The following GLIS3 variants were observed in gnomAD, a reference collection of about 807,000 sequenced individuals.
GLIS3 encodes the protein zinc finger protein GLIS3.
In GLIS3, 53 loss-of-function variants were observed where a neutral mutation model predicts 78.6. That is an observed-to-expected ratio of 0.67 (90% CI 0.54 to 0.85). The LOEUF is 0.85. GLIS3 is among the 40% of genes least tolerant of loss of function. The pLI, the probability that GLIS3 is intolerant of heterozygous loss-of-function variation, is 0.00. For missense variants in GLIS3, 1,703 were observed against 1,231.1 expected, an observed-to-expected ratio of 1.38 and a Z score of -5.74; for synonymous variants, 684 against 509.9, an observed-to-expected ratio of 1.34 and a Z score of -4.60.
chr9:4,085,900 C>A (rs1326057299), intron 4 of GLIS3, among the ~76,000 whole-genome samples: 1 of 152,184 alleles, frequency 6.6e-6, no homozygotes, highest in African/African-American at 2.4e-5. Flanking sequence ...GTAAAGCCTG[C>A]AGAACTGTGA....
chr9:3,853,138 G>C (rs981860179), intron 9 of GLIS3, among the ~76,000 whole-genome samples: 1 of 152,202 alleles, frequency 6.6e-6, no homozygotes, highest in African/African-American at 2.4e-5. Flanking sequence ...CCAGGAATTT[G>C]AGGCTGCAGT....
intron 2 of GLIS3, among the ~76,000 whole-genome samples, chr9:4,211,784 A>G (rs1027239075): frequency 1.3e-5 from 2 of 152,260 alleles, no homozygotes; most frequent in Non-Finnish European, 2.9e-5. Context: ...CCACCAACTG[A>G]TGAATGGAGA....
chr9:4,233,890 C>T (rs1822489234), intron 2 of GLIS3, among the ~76,000 whole-genome samples: 5 of 152,210 alleles, frequency 3.3e-5, no homozygotes, highest in Admixed American at 6.5e-5. Flanking sequence ...GCAGCTCCTA[C>T]ATCACCACTT....
At chr9:4,323,049 C>G (rs985829701) in intron 2 of GLIS3, among the ~76,000 whole-genome samples, 2 of 152,140 alleles carry the variant, frequency 1.3e-5, no homozygotes, top group Admixed American at 6.5e-5. Context: ...GATTTTAGGT[C>G]TAACATTTAA....
chr9:4,164,730 G>A (rs1338429216), intron 2 of GLIS3, among the ~76,000 whole-genome samples: 1 of 152,150 alleles, frequency 6.6e-6, no homozygotes, highest in Non-Finnish European at 1.5e-5. Context: ...ATATTGGAAA[G>A]CAAAAGATAT....
intron 2 of GLIS3, among the ~76,000 whole-genome samples, chr9:4,195,013 T>C (rs1818680881): frequency 6.6e-6 from 1 of 152,210 alleles, no homozygotes; most frequent in Non-Finnish European, 1.5e-5. Context: ...GTGCCTTCTC[T>C]AGAGCAGGGT....
intron 2 of GLIS3, among the ~76,000 whole-genome samples, chr9:4,321,116 C>G (rs992941276): frequency 1.9e-4 from 27 of 142,712 alleles, no homozygotes; most frequent in African/African-American, 8.1e-4. Flanking sequence ...TCAGCATGGT[C>G]TCCGCTTTTT....
chr9:4,327,123 A>T (rs144640891), intron 2 of GLIS3, among the ~76,000 whole-genome samples: 11 of 152,254 alleles, frequency 7.2e-5, no homozygotes, highest in East Asian at 1.9e-4. Flanking sequence ...GAGCTGAGAG[A>T]AAGATTGATT....
intron 4 of GLIS3, among the ~76,000 whole-genome samples, chr9:3,974,340 C>G (rs970172221): frequency 6.6e-6 from 1 of 152,148 alleles, no homozygotes; most frequent in Non-Finnish European, 1.5e-5. Context: ...TACAGAGCCT[C>G]CCTCGAATGC....
chr9:4,019,732 T>A (rs572316921), intron 4 of GLIS3, among the ~76,000 whole-genome samples: 8 of 152,218 alleles, frequency 5.3e-5, no homozygotes, highest in Non-Finnish European at 1.2e-4. Context: ...TTATTTTTAT[T>A]TTTATTTATT....
chr9:4,081,780 T>C (rs1392564134), intron 4 of GLIS3, among the ~76,000 whole-genome samples: 1 of 152,162 alleles, frequency 6.6e-6, no homozygotes. Flanking sequence ...AATTCTATCA[T>C]AAATTAGCCA....
At chr9:4,155,547 T>C (rs567100295) in intron 2 of GLIS3, among the ~76,000 whole-genome samples, 2 of 152,346 alleles carry the variant, frequency 1.3e-5, no homozygotes, top group Admixed American at 6.5e-5. Flanking sequence ...TTTTAAATGA[T>C]GAAATATTTA....
intron 2 of GLIS3, among the ~76,000 whole-genome samples, chr9:4,173,887 G>C (rs866751005): frequency 4.6e-4 from 69 of 149,614 alleles, no homozygotes; most frequent in African/African-American, 1.7e-3. Flanking sequence ...AAGAAGACAT[G>C]AATCCTAGTC....
chr9:4,207,066 C>T (rs1305911634), intron 2 of GLIS3, among the ~76,000 whole-genome samples: 1 of 152,196 alleles, frequency 6.6e-6, no homozygotes, highest in African/African-American at 2.4e-5. Flanking sequence ...GACCAGAGGG[C>T]CCCTACAAAG....
the GLIS3 span, among the ~76,000 whole-genome samples, chr9:4,380,777 G>T: frequency 6.6e-6 from 1 of 152,220 alleles, no homozygotes; most frequent in East Asian, 1.9e-4. Context: ...AAAGGAGAAT[G>T]TGGATTTAAT....
At chr9:4,073,160 C>CA (rs1827757274) in intron 4 of GLIS3, among the ~76,000 whole-genome samples, 1 of 152,124 alleles carries the variant, frequency 6.6e-6, no homozygotes, top group Non-Finnish European at 1.5e-5. Context: ...AAACACCCAT[C>CA]AACTGAAATG....
chr9:4,358,872 G>A, the GLIS3 span, among the ~76,000 whole-genome samples: 4 of 152,162 alleles, frequency 2.6e-5, no homozygotes, highest in East Asian at 3.8e-4. Context: ...TCTTATAGAA[G>A]TCAGTGTGGG....
At chr9:4,350,307 T>C (rs1200556916), upstream of GLIS3, among the ~76,000 whole-genome samples, 1 of 152,162 alleles carries the variant, frequency 6.6e-6, no homozygotes, top group Non-Finnish European at 1.5e-5. Flanking sequence ...CACGTTTAAA[T>C]CAAAAGACTG....
the GLIS3 span, among the ~76,000 whole-genome samples, chr9:4,461,950 G>C: frequency 4.6e-5 from 7 of 152,080 alleles, no homozygotes; most frequent in African/African-American, 1.7e-4. Context: ...TACATATTAT[G>C]TTTATGTAAT....
Sources: allele counts gnomAD v4.1 joint callset (sites outside exome capture counted in the v4.1 genomes callset), GRCh38; gene constraint gnomAD v4.1.1; transcripts MANE v1.5; gene names NCBI Gene and HGNC (gene_info 2026-07-23, HGNC 2026-07-21).